The following TEKT5 variants were observed in gnomAD, a reference collection of about 807,000 sequenced individuals.
TEKT5 encodes the protein tektin 5, also known as tektin-5.
Under a neutral mutation model 48.7 loss-of-function variants are expected in TEKT5, and 52 were observed. The observed-to-expected ratio is 1.07, with a 90% CI of 0.86 to 1.35. The LOEUF (loss-of-function observed/expected upper bound fraction) is 1.35, where lower values mean the gene tolerates loss of function less well. Ranked by LOEUF, TEKT5 falls within the 40% of genes most tolerant of loss-of-function variation. TEKT5 has a pLI of 0.00. For synonymous variants in TEKT5, 318 were observed against 267.6 expected, an observed-to-expected ratio of 1.19 and a Z score of -1.84; for missense variants, 831 against 641.6, an observed-to-expected ratio of 1.30 and a Z score of -3.19.
At chr16:10,675,539 G>C (rs148743004) in intron 5 of TEKT5, among the ~76,000 whole-genome samples, 2 of 152,134 alleles carry the variant, frequency 1.3e-5, no homozygotes, top group Non-Finnish European at 2.9e-5. Flanking sequence ...AGACTGTTAC[G>C]GTACCGTTCA....
intron 5 of TEKT5, among the ~76,000 whole-genome samples, chr16:10,658,297 C>T (rs982289501): frequency 2.6e-5 from 4 of 152,112 alleles, no homozygotes; most frequent in Admixed American, 6.5e-5. Flanking sequence ...CATATGTCCA[C>T]CAAAAGATTT....
At chr16:10,670,997 G>A (rs1397052491) in intron 5 of TEKT5, among the ~76,000 whole-genome samples, 4 of 151,864 alleles carry the variant, frequency 2.6e-5, no homozygotes, top group Non-Finnish European at 4.4e-5. Context: ...ATCAAACTCC[G>A]GGGCTCAAGG....
chr16:10,671,474 G>C (rs1255526804), intron 5 of TEKT5, among the ~76,000 whole-genome samples: 1 of 152,192 alleles, frequency 6.6e-6, no homozygotes, highest in African/African-American at 2.4e-5. Flanking sequence ...AGGAAATTCT[G>C]ACACATGCTA....
At chr16:10,638,906 G>A (rs1273422053) in intron 5 of TEKT5, among the ~76,000 whole-genome samples, 1 of 152,198 alleles carries the variant, frequency 6.6e-6, no homozygotes, top group Non-Finnish European at 1.5e-5. Context: ...TGCAAGTGAT[G>A]GGGGTAATTA....
Position 10,635,900 on chromosome 16 carries a change from G to A in TEKT5, c.1105C>T (p.Gln369Ter), listed in dbSNP as rs1897906333. The A allele has an allele frequency of 3.1e-6, 5 of 1,613,968 alleles. No individual in the cohort carries two copies. The highest frequency in any genetic ancestry group is 2.2e-5 in the East Asian group (1 of 44,876). ...QLAKTLQEIF[Q>*]AENTIMLLER... is the part of the protein sequence containing the mutation. ...AGCAGCATGATGGTGTTCTCGGCCT[G>A]GAAGATCTCCTGCAGCGTCTGCGAG... The change falls in exon 6 of 7, where the codon CAG becomes TAG. Residue 369 changes from glutamine to a stop codon, truncating the protein, a stop_gained. Transcript: ENST00000283025. LOFTEE classifies it high-confidence loss of function.
intron 6 of TEKT5, among the ~76,000 whole-genome samples, chr16:10,630,670 A>C (rs1294654037): frequency 6.6e-6 from 1 of 152,210 alleles, no homozygotes; most frequent in Non-Finnish European, 1.5e-5. Flanking sequence ...GGGCTAATGA[A>C]CACTTGAATG....
At chr16:10,642,114 G>A (rs1266987685) in intron 5 of TEKT5, among the ~76,000 whole-genome samples, 1 of 152,228 alleles carries the variant, frequency 6.6e-6, no homozygotes, top group East Asian at 1.9e-4. Context: ...ATCTCTTGCA[G>A]TATGAGTACA....
intron 5 of TEKT5, among the ~76,000 whole-genome samples, chr16:10,675,015 A>ATG (rs1366177173): frequency 6.6e-6 from 1 of 151,986 alleles, no homozygotes; most frequent in African/African-American, 2.4e-5. Context: ...TAGTAGAGCC[A>ATG]GGGTTTCACC....
intron 5 of TEKT5, among the ~76,000 whole-genome samples, chr16:10,644,937 G>C (rs772472875): frequency 6.6e-6 from 1 of 152,194 alleles, no homozygotes; most frequent in Non-Finnish European, 1.5e-5. Context: ...ATGAGGTGGA[G>C]CTCTCATGAA....
intron 5 of TEKT5, among the ~76,000 whole-genome samples, chr16:10,675,466 A>C (rs745895784): frequency 2.0e-5 from 3 of 152,218 alleles, no homozygotes; most frequent in Non-Finnish European, 4.4e-5. Context: ...AGACGACAGA[A>C]TCGGGCAGTG....
chr16:10,635,634 G>T, intron 6 of TEKT5, 130 bp downstream of exon 6: 2 of 1,376,672 alleles, frequency 1.5e-6, no homozygotes, highest in Non-Finnish European at 9.9e-7. Flanking sequence ...CTGAGTTGTG[G>T]GACTGGATGT....
In TEKT5 at chr16:10,679,920, A is replaced by ATAAATAAATAAATAAATAAC. The variant is rs1555467320; in HGVS notation, c.863+2072_863+2073insGTTATTTATTTATTTATTTA. On this transcript the variant is annotated intron_variant, in intron 4 of 6. Coordinates refer to ENST00000283025, the MANE Select transcript of TEKT5 (RefSeq NM_144674.2). ...CTCAAATAAATAAATAAATAAATAA[A>ATAAATAAATAAATAAATAAC]TAAGAAAACCACAAATACAAAGCCC... is the stretch of plus-strand genomic sequence containing the variant. 1.4e-4 allele frequency among the ~76,000 whole-genome samples: 22 copies of ATAAATAAATAAATAAATAAC among 152,074 alleles called. 1 individual carries two copies. In the South Asian group the frequency reaches 2.5e-3, roughly 17 times the overall value.
chr16:10,640,032 TCTC>T (rs1316890805), intron 5 of TEKT5, among the ~76,000 whole-genome samples: 2 of 145,180 alleles, frequency 1.4e-5, no homozygotes, highest in African/African-American at 5.2e-5. Flanking sequence ...CTCTTCCCCT[TCTC>T]CTTCTTTCTC....
chr16:10,644,576 C>T (rs939821099), intron 5 of TEKT5, among the ~76,000 whole-genome samples: 10 of 152,154 alleles, frequency 6.6e-5, no homozygotes, highest in African/African-American at 2.4e-4. Flanking sequence ...ACCTGGCTTC[C>T]CCCTTTCTTC....
chr16:10,659,461 G>A (rs1312017948), intron 5 of TEKT5, among the ~76,000 whole-genome samples: 2 of 152,084 alleles, frequency 1.3e-5, no homozygotes, highest in Non-Finnish European at 2.9e-5. Context: ...CTCACTGCAA[G>A]CTCTGCCTCC....
chr16:10,672,761 C>A (rs1250620556), intron 5 of TEKT5, among the ~76,000 whole-genome samples: 1 of 152,134 alleles, frequency 6.6e-6, no homozygotes, highest in East Asian at 1.9e-4. Flanking sequence ...GCCACTAGCA[C>A]AAACATGGTG....
chr16:10,686,849 G>A (rs568831638), intron 3 of TEKT5, among the ~76,000 whole-genome samples: 13 of 152,268 alleles, frequency 8.5e-5, no homozygotes, highest in Middle Eastern at 3.4e-3. Flanking sequence ...TCTCATAACA[G>A]ATGAATGGAT....
At chr16:10,639,887 C>T (rs955717500) in intron 5 of TEKT5, among the ~76,000 whole-genome samples, 2 of 152,166 alleles carry the variant, frequency 1.3e-5, no homozygotes, top group African/African-American at 4.8e-5. Flanking sequence ...CATCCTAGTG[C>T]CTGCTCCCAG....
At chr16:10,671,520 G>C (rs1343033744) in intron 5 of TEKT5, among the ~76,000 whole-genome samples, 1 of 152,184 alleles carries the variant, frequency 6.6e-6, no homozygotes, top group East Asian at 1.9e-4. Context: ...TATGCCAAGT[G>C]AAATTAACCA....
Sources: allele counts gnomAD v4.1 joint callset (sites outside exome capture counted in the v4.1 genomes callset), GRCh38; gene constraint gnomAD v4.1.1; transcripts MANE v1.5; gene names NCBI Gene and HGNC (gene_info 2026-07-23, HGNC 2026-07-21).